ASTN2: variants seen among roughly 807,000 people sequenced by gnomAD.
ASTN2 encodes astrotactin 2.
ASTN2 carries 54 observed loss-of-function variants against 139.8 expected under a neutral mutation model. The ratio of observed to expected loss-of-function variants is 0.39; its 90% CI spans 0.31 to 0.48. The LOEUF (loss-of-function observed/expected upper bound fraction) is 0.48. Ranked by LOEUF, ASTN2 falls within the 20% of genes least tolerant of loss-of-function variation. The probability of loss-of-function intolerance (pLI) is 0.95; values close to 1 mark genes in which losing one functional copy is unlikely to be tolerated. For synonymous variants in ASTN2, 756 were observed against 719.5 expected, an observed-to-expected ratio of 1.05 and a Z score of -0.81; for missense variants, 1,565 against 1,725.1, an observed-to-expected ratio of 0.91 and a Z score of 1.64.
chr9:116,520,507 A>G (rs1377439290), intron 19 of ASTN2, among the ~76,000 whole-genome samples: 5 of 152,140 alleles, frequency 3.3e-5, no homozygotes, highest in African/African-American at 1.2e-4. Flanking sequence ...ACTTTAAGGT[A>G]ATAAAAGCCA....
intron 2 of ASTN2, among the ~76,000 whole-genome samples, chr9:117,221,561 G>A (rs1367686986): frequency 6.6e-6 from 1 of 152,226 alleles, no homozygotes; most frequent in Non-Finnish European, 1.5e-5. Context: ...CTGTTCTGCA[G>A]TGATAAGAAC....
intron 1 of ASTN2, among the ~76,000 whole-genome samples, chr9:117,296,848 C>T (rs1323745027): frequency 6.6e-6 from 1 of 152,092 alleles, no homozygotes; most frequent in Non-Finnish European, 1.5e-5. Context: ...GGCTGCAACT[C>T]GTGAAATATT....
chr9:116,435,989 G>A (rs1847637886), intron 22 of ASTN2, among the ~76,000 whole-genome samples: 1 of 152,122 alleles, frequency 6.6e-6, no homozygotes, highest in Admixed American at 6.5e-5. Flanking sequence ...GCTCTAAAAC[G>A]CTTGTCCATT....
intron 16 of ASTN2, among the ~76,000 whole-genome samples, chr9:116,672,429 A>C (rs1859254322): frequency 2.0e-5 from 3 of 152,168 alleles, no homozygotes; most frequent in Admixed American, 2.0e-4. Flanking sequence ...AGGTTGTATA[A>C]GAGTTTTAAA....
intron 13 of ASTN2, among the ~76,000 whole-genome samples, chr9:116,800,955 G>C (rs1375249095): frequency 6.6e-6 from 1 of 152,164 alleles, no homozygotes. Context: ...ATCAGCAGTT[G>C]CTAGGTGGGG....
intron 4 of ASTN2, among the ~76,000 whole-genome samples, chr9:117,122,970 G>A (rs967491008): frequency 3.3e-5 from 5 of 152,116 alleles, no homozygotes; most frequent in African/African-American, 4.8e-5. Context: ...ATGAGGAGCA[G>A]AAAGCTCCAA....
chr9:116,831,422 C>T (rs148223891), intron 11 of ASTN2, among the ~76,000 whole-genome samples: 1 of 152,036 alleles, frequency 6.6e-6, no homozygotes, highest in East Asian at 1.9e-4. Context: ...TGTCTAAGTC[C>T]TTCTTTAGAA....
intron 7 of ASTN2, among the ~76,000 whole-genome samples, chr9:116,989,733 G>A (rs375972502): frequency 1.8e-4 from 27 of 151,862 alleles, no homozygotes; most frequent in East Asian, 7.8e-4. Context: ...ACAGGCACCC[G>A]CCACCAGGCC....
intron 1 of ASTN2, among the ~76,000 whole-genome samples, chr9:117,380,828 T>C (rs1830251681): frequency 1.3e-5 from 2 of 152,140 alleles, no homozygotes; most frequent in South Asian, 4.2e-4. Context: ...ATGGTGCAGT[T>C]ACTTTGAAAA....
intron 19 of ASTN2, among the ~76,000 whole-genome samples, chr9:116,604,193 C>G (rs1310270850): frequency 6.6e-6 from 1 of 152,112 alleles, no homozygotes; most frequent in Non-Finnish European, 1.5e-5. Flanking sequence ...CAGCTCCCCA[C>G]ACATTCATGA....
At position 117,089,326 on chromosome 9, in the gene ASTN2, TATCTCCG is replaced by T. The variant is rs1240700151; in HGVS notation, c.1276+6711_1276+6717del. ...CAACATTCTTTGCTCTATGGAGTAC[TATCTCCG>T]ATGAATATATGTTAAATTCTTCCCA... On this transcript the variant is annotated intron_variant, in intron 5 of 22. Coordinates refer to ENST00000313400, the MANE Select transcript of ASTN2 (RefSeq NM_001365068.1). 2.6e-5 allele frequency among the ~76,000 whole-genome samples: 4 copies of T among 152,240 alleles called. No homozygotes were observed. The East Asian group carries it at 7.7e-4, about 29-fold the overall frequency.
intron 19 of ASTN2, among the ~76,000 whole-genome samples, chr9:116,526,220 C>T (rs1342953685): frequency 1.3e-5 from 2 of 152,194 alleles, no homozygotes; most frequent in Admixed American, 6.5e-5. Flanking sequence ...CTTCTATATG[C>T]ATGTGCACCA....
At chr9:116,720,037 G>T (rs990091965) in intron 16 of ASTN2, among the ~76,000 whole-genome samples, 2 of 152,102 alleles carry the variant, frequency 1.3e-5, no homozygotes, top group East Asian at 1.9e-4. Flanking sequence ...GAAACTGAAG[G>T]CTCTGGAGAA....
chr9:116,956,634 A>T (rs765934252), intron 10 of ASTN2, among the ~76,000 whole-genome samples: 55 of 152,092 alleles, frequency 3.6e-4, no homozygotes, highest in Middle Eastern at 3.4e-3. Context: ...AATGATCTCC[A>T]TTCATTCATG....
Position 117,236,549 on chromosome 9 carries a change from C to T in ASTN2, c.631-21807G>A, listed in dbSNP as rs1185595743. On this transcript the variant is annotated intron_variant, in intron 2 of 22. Transcript: ENST00000313400. ...AGTGACATGTGATTCTCCTTCTGTGCTGGACTGTAGGGTCCATGAGGGTAG... is the reference window on the plus strand; with the variant it reads ...AGTGACATGTGATTCTCCTTCTGTGTTGGACTGTAGGGTCCATGAGGGTAG... Among the ~76,000 whole-genome samples the T allele has an allele frequency of 3.3e-5, 5 of 152,222 alleles. No homozygotes were observed. The East Asian group carries it at 9.6e-4, about 29-fold the overall frequency.
intron 10 of ASTN2, among the ~76,000 whole-genome samples, chr9:116,956,749 C>T (rs116161898): frequency 0.025 from 3,719 of 151,716 alleles, 121 homozygotes; most frequent in African/African-American, 0.085. Context: ...ATGGGGTCAA[C>T]GTATAAAAGT....
intron 13 of ASTN2, among the ~76,000 whole-genome samples, chr9:116,764,687 A>T (rs561654759): frequency 6.6e-6 from 1 of 152,266 alleles, no homozygotes. Context: ...ATATTTCCTG[A>T]ATCTTCCAAG....
At chr9:117,324,909 G>A (rs377409577) in intron 1 of ASTN2, among the ~76,000 whole-genome samples, 6 of 152,110 alleles carry the variant, frequency 3.9e-5, no homozygotes, top group African/African-American at 1.4e-4. Flanking sequence ...AAAAGGAAGG[G>A]ATATATCTAT....
At chr9:116,844,305 C>T (rs1361084079) in intron 11 of ASTN2, among the ~76,000 whole-genome samples, 1 of 152,152 alleles carries the variant, frequency 6.6e-6, no homozygotes, top group Non-Finnish European at 1.5e-5. Flanking sequence ...CTTTATTCTG[C>T]CAGGTGGGAC....
Sources: allele counts gnomAD v4.1 joint callset (sites outside exome capture counted in the v4.1 genomes callset), GRCh38; gene constraint gnomAD v4.1.1; transcripts MANE v1.5; gene names NCBI Gene and HGNC (gene_info 2026-07-23, HGNC 2026-07-21).